LYPLAL1: variants seen among roughly 807,000 people sequenced by gnomAD.
LYPLAL1 encodes lysophospholipase-like protein 1.
Under a neutral mutation model 19.7 loss-of-function variants are expected in LYPLAL1, and 23 were observed. The observed-to-expected ratio is 1.17, with a 90% CI of 0.84 to 1.65. The LOEUF is 1.65. LYPLAL1 is among the 40% of genes most tolerant of loss of function. The probability of loss-of-function intolerance (pLI) is 0.00; values close to 1 mark genes in which losing one functional copy is unlikely to be tolerated. For missense variants in LYPLAL1, 355 were observed against 279.4 expected (o/e 1.27, Z -1.93); for synonymous variants, 119 against 96.3 (o/e 1.24, Z -1.38).
the LYPLAL1 span, among the ~76,000 whole-genome samples, chr1:219,312,649 C>A: frequency 6.6e-6 from 1 of 152,172 alleles, no homozygotes; most frequent in Non-Finnish European, 1.5e-5. Flanking sequence ...CTCTCTACCT[C>A]TTTCTTCTAA....
chr1:219,239,001 A>G, the LYPLAL1 span, among the ~76,000 whole-genome samples: 2 of 152,206 alleles, frequency 1.3e-5, no homozygotes, highest in Non-Finnish European at 2.9e-5. Context: ...TGTGTGGATT[A>G]TGTGCTGATG....
downstream of LYPLAL1, among the ~76,000 whole-genome samples, chr1:219,213,396 G>A (rs529034826): frequency 2.5e-4 from 37 of 146,444 alleles, no homozygotes; most frequent in African/African-American, 9.1e-4. Flanking sequence ...GCTTTTGACT[G>A]TTTTTGTTCC....
the LYPLAL1 span, among the ~76,000 whole-genome samples, chr1:219,250,158 T>C: frequency 6.6e-6 from 1 of 152,172 alleles, no homozygotes; most frequent in South Asian, 2.1e-4. Flanking sequence ...AGTATATTAC[T>C]CTTTAGATCT....
At chr1:219,243,984 A>G in the LYPLAL1 span, among the ~76,000 whole-genome samples, 25 of 152,012 alleles carry the variant, frequency 1.6e-4, no homozygotes, top group Non-Finnish European at 3.2e-4. Flanking sequence ...GTTACTAACA[A>G]ATCCAACAAA....
the LYPLAL1 span, among the ~76,000 whole-genome samples, chr1:219,218,167 A>G: frequency 6.6e-6 from 1 of 152,086 alleles, no homozygotes; most frequent in Non-Finnish European, 1.5e-5. Context: ...GTTCAATTGA[A>G]GTATAACAAA....
chr1:219,425,846 A>C, the LYPLAL1 span, among the ~76,000 whole-genome samples: 1 of 152,204 alleles, frequency 6.6e-6, no homozygotes, highest in African/African-American at 2.4e-5. Context: ...GGATTGCCTA[A>C]ATTCAGGTAG....
the LYPLAL1 span, among the ~76,000 whole-genome samples, chr1:219,263,146 C>A: frequency 6.6e-6 from 1 of 152,132 alleles, no homozygotes; most frequent in African/African-American, 2.4e-5. Flanking sequence ...GCAGGTCAGA[C>A]TCTCCTTGGG....
the LYPLAL1 span, among the ~76,000 whole-genome samples, chr1:219,337,590 C>G: frequency 6.6e-6 from 1 of 151,990 alleles, no homozygotes; most frequent in Admixed American, 6.6e-5. Context: ...TTTCCAACTA[C>G]TCACATCAAA....
At chr1:219,414,994 G>C in the LYPLAL1 span, among the ~76,000 whole-genome samples, 1 of 152,072 alleles carries the variant, frequency 6.6e-6, no homozygotes, top group East Asian at 1.9e-4. Context: ...CCACAGCAAG[G>C]CACATTATTA....
the LYPLAL1 span, among the ~76,000 whole-genome samples, chr1:219,238,921 A>C: frequency 8.5e-5 from 13 of 152,192 alleles, no homozygotes; most frequent in Admixed American, 7.2e-4. Flanking sequence ...ATCAGAGAAG[A>C]TACTATTTTT....
the LYPLAL1 span, among the ~76,000 whole-genome samples, chr1:219,241,080 TATAA>T: frequency 5.5e-5 from 7 of 127,296 alleles, no homozygotes; most frequent in Non-Finnish European, 8.2e-5. Context: ...ATATTATATA[TATAA>T]ATAAATATAT....
the LYPLAL1 span, among the ~76,000 whole-genome samples, chr1:219,361,823 G>A: frequency 6.6e-5 from 10 of 152,152 alleles, no homozygotes; most frequent in African/African-American, 2.2e-4. Flanking sequence ...TGAGCTTGGA[G>A]AGAACTTCTG....
chr1:219,406,378 G>T, the LYPLAL1 span, among the ~76,000 whole-genome samples: 3 of 152,126 alleles, frequency 2.0e-5, no homozygotes, highest in African/African-American at 7.2e-5. Context: ...TGTGGTTCAG[G>T]TGTGTATCTA....
At chr1:219,310,231 CTG>C in the LYPLAL1 span, among the ~76,000 whole-genome samples, 1 of 152,146 alleles carries the variant, frequency 6.6e-6, no homozygotes, top group African/African-American at 2.4e-5. Context: ...ATGTTTTTGA[CTG>C]TTTTCAAGGT....
chr1:219,437,577 T>C, the LYPLAL1 span, among the ~76,000 whole-genome samples: 6 of 152,002 alleles, frequency 3.9e-5, no homozygotes, highest in African/African-American at 1.5e-4. Context: ...TGCTGCCAGG[T>C]ACCTCTCCCA....
At position 219,210,609 on chromosome 1, in the gene LYPLAL1, C is replaced by G. The variant is rs1434311392; in HGVS notation, c.439C>G (p.Leu147Val). ...NHQDVAGVFA[L>V]SSFLNKASAV... ...TCAAGATGTGGCAGGAGTATTTGCT[C>G]TTTCTAGTTTTCTGAATAAAGCATC... The change falls in exon 4 of 5, where the codon CTT (leucine) becomes GTT (valine). Residue 147 changes from leucine (L) to valine (V), a missense_variant. Leu to Val is a conservative substitution (Grantham distance 32). Transcript: ENST00000366928. The G allele has an allele frequency of 1.9e-6, 3 of 1,609,838 alleles. No homozygotes were observed. Among genetic ancestry groups the G allele is most frequent in the Non-Finnish European group, 1.7e-6 (2 of 1,177,646 alleles).
At chr1:219,358,459 A>G in the LYPLAL1 span, among the ~76,000 whole-genome samples, 1 of 152,190 alleles carries the variant, frequency 6.6e-6, no homozygotes, top group Non-Finnish European at 1.5e-5. Flanking sequence ...ACAGCACTAT[A>G]AAGAACTGCC....
the LYPLAL1 span, among the ~76,000 whole-genome samples, chr1:219,437,402 C>G: frequency 1.8e-4 from 28 of 152,242 alleles, no homozygotes; most frequent in African/African-American, 6.7e-4. Context: ...CTCAAATCTT[C>G]CACGTCTTCT....
chr1:219,205,487 A>T (rs966495782), intron 3 of LYPLAL1, among the ~76,000 whole-genome samples: 2 of 152,210 alleles, frequency 1.3e-5, no homozygotes, highest in Non-Finnish European at 2.9e-5. Flanking sequence ...AAAAAATAAG[A>T]TACATTGAAC....
Sources: allele counts gnomAD v4.1 joint callset (sites outside exome capture counted in the v4.1 genomes callset), GRCh38; gene constraint gnomAD v4.1.1; transcripts MANE v1.5; gene names NCBI Gene and HGNC (gene_info 2026-07-23, HGNC 2026-07-21).